PHKA2: variants seen among roughly 807,000 people sequenced by gnomAD.
PHKA2 encodes phosphorylase b kinase regulatory subunit alpha, liver isoform.
A neutral mutation model predicts 102.0 loss-of-function variants in PHKA2; 31 were observed. The ratio of observed to expected loss-of-function variants is 0.30; its 90% CI spans 0.23 to 0.41. PHKA2 has a LOEUF of 0.41. PHKA2 is among the 10% of genes least tolerant of loss of function. The pLI, the probability that PHKA2 is intolerant of heterozygous loss-of-function variation, is 1.00. For missense variants in PHKA2, 858 were observed against 1,023.1 expected (o/e 0.84, Z 2.20); for synonymous variants, 455 against 416.2 (o/e 1.09, Z -1.13).
chrX:18,933,672 C>T lies in PHKA2; in HGVS notation c.1138-1924G>A, dbSNP rs187407731. Among the ~76,000 whole-genome samples the T allele has an allele frequency of 4.5e-5, 5 of 112,291 alleles. No individual in the cohort carries two copies. In the East Asian group the frequency reaches 1.4e-3, roughly 32 times the overall value. ...CTGTGGTGGCCCTGTGTGCAGAAATCCTTCCTGGTGGTCTCTACATGTTAT... is the reference window on the plus strand; with the variant it reads ...CTGTGGTGGCCCTGTGTGCAGAAATTCTTCCTGGTGGTCTCTACATGTTAT... On this transcript the variant is annotated intron_variant, in intron 11 of 32. Transcript: ENST00000379942.
At chrX:18,899,893 A>C (rs920894870) in intron 28 of PHKA2, among the ~76,000 whole-genome samples, 1 of 111,844 alleles carries the variant, frequency 8.9e-6, no homozygotes, top group Non-Finnish European at 1.9e-5. Flanking sequence ...GGTGACTCTA[A>C]GCCCAGCAAA....
chrX:18,909,508 A>C (rs1050852024), intron 20 of PHKA2, among the ~76,000 whole-genome samples: 1 of 112,148 alleles, frequency 8.9e-6, no homozygotes, highest in Non-Finnish European at 1.9e-5. Flanking sequence ...AAAATAGCCC[A>C]TATCACCAGA....
chrX:18,950,353 G>T (rs2048659937), intron 4 of PHKA2, among the ~76,000 whole-genome samples: 1 of 112,237 alleles, frequency 8.9e-6, no homozygotes, highest in Non-Finnish European at 1.9e-5. Context: ...GAGGAGAAAA[G>T]TCTAAGAGCA....
In PHKA2 at chrX:18,963,341, G is replaced by T. The variant is rs2048895693; in HGVS notation, c.79-8929C>A. Among the ~76,000 whole-genome samples the T allele has an allele frequency of 5.3e-5, 6 of 112,341 alleles. No homozygotes were observed. The South Asian group carries it at 2.2e-3, about 42-fold the overall frequency. ...CAGGACTTTCGCTGGAGCCACTACA[G>T]GAAAAGCTTGCTTTCTGTGGAGGCT... is the stretch of plus-strand genomic sequence containing the variant. On this transcript the variant is annotated intron_variant, in intron 1 of 32. Coordinates refer to ENST00000379942, the MANE Select transcript of PHKA2 (RefSeq NM_000292.3).
intron 25 of PHKA2, 57 bp downstream of exon 25, chrX:18,906,438 T>C (rs1390297054): frequency 8.4e-7 from 1 of 1,196,114 alleles, no homozygotes; most frequent in Non-Finnish European, 1.1e-6. Context: ...GTGGAGGCCG[T>C]GGCCGGGTGG....
At chrX:18,900,771 C>G in intron 27 of PHKA2, 72 bp from the exon 28 acceptor site, 12 of 960,585 alleles carry the variant, frequency 1.2e-5, no homozygotes, top group Non-Finnish European at 1.8e-5. Context: ...CTATTGCCCT[C>G]TCTCTTAATC....
In PHKA2 at chrX:18,938,648, G is replaced by T. The variant is rs1459774688; in HGVS notation, c.1020C>A (p.Val340=). 3.3e-6 allele frequency: 4 copies of T among 1,204,066 alleles called. No homozygotes were observed. The highest frequency in any genetic ancestry group is 4.4e-5 in the Admixed American group (2 of 45,848). ...VFWTYFIIDG[V]FSGDAVQVQE... is the part of the protein sequence containing the mutation. ...TCACCTGAACAGCATCACCACTGAA[G>T]ACTCCATCTATTATAAAATATGTCC... The change falls in exon 10 of 33, where the codon GTC becomes GTA. Residue 340 remains valine (V), a synonymous_variant. Coordinates refer to ENST00000379942, the MANE Select transcript of PHKA2 (RefSeq NM_000292.3).
At chrX:18,980,284 C>T (rs139873254) in intron 1 of PHKA2, among the ~76,000 whole-genome samples, 26 of 112,644 alleles carry the variant, frequency 2.3e-4, no homozygotes, top group Non-Finnish European at 4.1e-4. Context: ...TGACAGTCCT[C>T]CAGCCCAACA....
chrX:18,894,765 T>TGGG (rs1323266668), intron 31 of PHKA2: 5 of 374,899 alleles, frequency 1.3e-5, no homozygotes, highest in Non-Finnish European at 2.4e-5. Context: ...TTAAAAAGAA[T>TGGG]GACAAATCAC....
At position 18,922,355 on chromosome X, in the gene PHKA2, A is replaced by G. The variant is rs997318914; in HGVS notation, c.1793+1701T>C. Among the ~76,000 whole-genome samples, 23 of 112,441 alleles carry G rather than the reference A, an allele frequency of 2.0e-4. No individual in the cohort carries two copies. The East Asian group carries it at 6.1e-3, about 30-fold the overall frequency. ...GTAACTGAAGCAAATTGGAGGTAAA[A>G]TGTGCAAAAGTGGATGCAGATTGCT... On this transcript the variant is annotated intron_variant, in intron 17 of 32. Transcript: ENST00000379942.
intron 5 of PHKA2, 49 bp downstream of exon 5, chrX:18,948,695 C>A: frequency 1.1e-6 from 1 of 877,545 alleles, no homozygotes; most frequent in Non-Finnish European, 1.7e-6. Flanking sequence ...GATTTTTATT[C>A]TTTTTGTTGA....
chrX:18,984,049 G>A lies in PHKA2; in HGVS notation c.-117C>T. ...ACTCACAGCCTTAGTCGGTTCTTGGGATGGGACCGGGCCGGAGGAGGTCGA... is the reference window on the plus strand; with the variant it reads ...ACTCACAGCCTTAGTCGGTTCTTGGAATGGGACCGGGCCGGAGGAGGTCGA... On this transcript the variant is annotated 5_prime_UTR_variant, in exon 1 of 33. Coordinates refer to ENST00000379942, the MANE Select transcript of PHKA2 (RefSeq NM_000292.3). The A allele has an allele frequency of 1.7e-6, 1 of 596,647 alleles. No individual in the cohort carries two copies. The highest frequency in any genetic ancestry group is 2.9e-6 in the Non-Finnish European group (1 of 349,287). The allele number at this position is 596,647 out of a possible 1,213,427, so 49.2% of individuals were successfully genotyped here.
chrX:18,974,021 G>A (rs778415418), intron 1 of PHKA2, among the ~76,000 whole-genome samples: 1 of 110,936 alleles, frequency 9.0e-6, no homozygotes, highest in South Asian at 3.8e-4. Flanking sequence ...GCAATCAAAA[G>A]GGAACATGGT....
chrX:18,895,633 A>G, intron 30 of PHKA2: 1 of 163,872 alleles, frequency 6.1e-6, no homozygotes, highest in African/African-American at 3.0e-5. Flanking sequence ...CCTCCAGCAC[A>G]TGCACAGACA....
At chrX:18,922,705 AG>A (rs1351853130) in intron 17 of PHKA2, among the ~76,000 whole-genome samples, 1 of 104,056 alleles carries the variant, frequency 9.6e-6, no homozygotes, top group Admixed American at 1.0e-4. Context: ...GGGCGGGAGG[AG>A]GGGGAAGTAG....
intron 29 of PHKA2, chrX:18,898,270 G>A (rs913968724): frequency 7.1e-5 from 8 of 112,739 alleles, no homozygotes; most frequent in African/African-American, 2.6e-4. Context: ...ACTGATTCAG[G>A]CTCCAGAGGG....
chrX:18,971,003 G>A (rs2049010988), intron 1 of PHKA2, among the ~76,000 whole-genome samples: 1 of 112,621 alleles, frequency 8.9e-6, no homozygotes, highest in Non-Finnish European at 1.9e-5. Flanking sequence ...CATCCAGGGT[G>A]ACCTTGGAAG....
At chrX:18,938,406 A>C (rs1473775494) in intron 10 of PHKA2, among the ~76,000 whole-genome samples, 1 of 113,439 alleles carries the variant, frequency 8.8e-6, no homozygotes, top group African/African-American at 3.2e-5. Context: ...GGTAAAGCAG[A>C]GACAACCTGT....
intron 20 of PHKA2, among the ~76,000 whole-genome samples, chrX:18,910,055 T>C (rs951509507): frequency 2.7e-5 from 3 of 112,561 alleles, no homozygotes; most frequent in African/African-American, 9.7e-5. Flanking sequence ...CTGGATAAAA[T>C]AACAAATTGT....
Sources: allele counts gnomAD v4.1 joint callset (sites outside exome capture counted in the v4.1 genomes callset), GRCh38; gene constraint gnomAD v4.1.1; transcripts MANE v1.5; gene names NCBI Gene and HGNC (gene_info 2026-07-23, HGNC 2026-07-21).